The following TTYH1 variants were observed in gnomAD, a reference collection of about 807,000 sequenced individuals.
The protein encoded by TTYH1 is protein tweety homolog 1.
Under a neutral mutation model 61.2 loss-of-function variants are expected in TTYH1, and 33 were observed. The ratio of observed to expected loss-of-function variants is 0.54; its 90% CI spans 0.41 to 0.72. TTYH1 has a LOEUF of 0.72. TTYH1 is among the 30% of genes least tolerant of loss of function. TTYH1 has a pLI of 0.00. For synonymous variants in TTYH1, 308 were observed against 266.4 expected (o/e 1.16, Z -1.52); for missense variants, 538 against 575.8 (o/e 0.93, Z 0.67).
At chr19:54,435,289 G>A (rs1188295983) in intron 10 of TTYH1, among the ~76,000 whole-genome samples, 2 of 152,104 alleles carry the variant, frequency 1.3e-5, no homozygotes, top group Admixed American at 1.3e-4. Context: ...AATGACAAGG[G>A]CGGGTGCAGC....
In TTYH1 at chr19:54,435,807, A is replaced by G. The variant is rs758683774; in HGVS notation, c.1269-21A>G. 3 of 1,613,902 alleles carry G rather than the reference A, an allele frequency of 1.9e-6. No individual in the cohort carries two copies. In the South Asian group the frequency reaches 3.3e-5, roughly 18 times the overall value. On this transcript the variant is annotated intron_variant, in intron 11 of 13. Coordinates refer to ENST00000376530, the MANE Select transcript of TTYH1 (RefSeq NM_020659.4). ...TGGGTCCCCATCCCGCCTCTCTGCC[A>G]TGCCCCGCATCAAACCCCAGTGACG... is the stretch of plus-strand genomic sequence containing the variant.
intron 1 of TTYH1, among the ~76,000 whole-genome samples, chr19:54,417,239 CATGCACACACAT>C (rs377138343): frequency 0.014 from 2,053 of 150,946 alleles, 50 homozygotes; most frequent in African/African-American, 0.047. Context: ...AACACACTCA[CATGCACACACAT>C]ATGCACAGGC....
At position 54,431,632 on chromosome 19, in the gene TTYH1, T is replaced by C. The variant is rs181933148; in HGVS notation, c.1125+441T>C. ...GTCACCTAACTTCTCTGTACCTCAGTTAGTTCCCTCACTTATAAACCTGGG... is the reference window on the plus strand; with the variant it reads ...GTCACCTAACTTCTCTGTACCTCAGCTAGTTCCCTCACTTATAAACCTGGG... On this transcript the variant is annotated intron_variant, in intron 10 of 13. Transcript: ENST00000376530. 414 of 196,868 alleles carry C rather than the reference T, an allele frequency of 2.1e-3. 3 individuals are homozygous for C. The highest frequency in any genetic ancestry group is 9.3e-3 in the African/African-American group (391 of 42,162). The allele number at this position is 196,868 out of a possible 1,614,324, so 12.2% of individuals were successfully genotyped here.
intron 5 of TTYH1, among the ~76,000 whole-genome samples, chr19:54,428,477 C>A (rs534432119): frequency 6.6e-6 from 1 of 152,230 alleles, no homozygotes; most frequent in African/African-American, 2.4e-5. Context: ...CAGCCTGCCT[C>A]AGCCTTCCAA....
intron 10 of TTYH1, 124 bp from the exon 11 acceptor site, chr19:54,435,418 G>A: frequency 1.7e-6 from 2 of 1,212,094 alleles, no homozygotes; most frequent in Non-Finnish European, 2.3e-6. Context: ...GGGAAACTGA[G>A]GCACAGAGTG....
In TTYH1 at chr19:54,429,786, T is replaced by C; in HGVS notation, c.808-96T>C. On this transcript the variant is annotated intron_variant, in intron 6 of 13. Coordinates refer to ENST00000376530, the MANE Select transcript of TTYH1 (RefSeq NM_020659.4). The surrounding 1 kb of genome is among the most constrained non-coding windows in gnomAD (Gnocchi z 5.1). ...AGGGGCTGGGACCTGGACCCCTGGGTGGGGAGGGGAGCTGGGGAGCCAGGC... is the reference window on the plus strand; with the variant it reads ...AGGGGCTGGGACCTGGACCCCTGGGCGGGGAGGGGAGCTGGGGAGCCAGGC... 1 of 1,057,998 alleles carries C rather than the reference T, an allele frequency of 9.5e-7. No individual in the cohort carries two copies. The highest frequency in any genetic ancestry group is 1.4e-6 in the Non-Finnish European group (1 of 695,792). The allele number at this position is 1,057,998 out of a possible 1,614,324, so 65.5% of individuals were successfully genotyped here.
rs774441169 is a variant in TTYH1 at position 54,436,065 on chromosome 19, C to T, written c.1315-26C>T. 9.3e-6 allele frequency: 15 copies of T among 1,611,674 alleles called. No individual in the cohort carries two copies. In the East Asian group the frequency reaches 2.5e-4, roughly 26 times the overall value. On this transcript the variant is annotated intron_variant, in intron 12 of 13. Transcript: ENST00000376530. This position sits in a 1 kb window ranked among gnomAD's most constrained non-coding sequence, Gnocchi z 4.3. ...AATTCCCACTCCATTCCCTCCTCTC[C>T]CCCGCTACCCCGAATCTCCTAGCAG... is the stretch of plus-strand genomic sequence containing the variant.
chr19:54,425,292 C>A (rs2083301956), intron 4 of TTYH1, among the ~76,000 whole-genome samples: 1 of 152,182 alleles, frequency 6.6e-6, no homozygotes, highest in Non-Finnish European at 1.5e-5. Flanking sequence ...TCAGCTCAAG[C>A]CGTAACAGAC....
intron 4 of TTYH1, among the ~76,000 whole-genome samples, chr19:54,424,032 G>A (rs1270202527): frequency 6.6e-6 from 1 of 152,024 alleles, no homozygotes; most frequent in Non-Finnish European, 1.5e-5. Flanking sequence ...GTGGTGGTGG[G>A]CGCCTGTAGT....
At chr19:54,418,340 A>G (rs968629628) in intron 1 of TTYH1, 2 of 152,164 alleles carry the variant, frequency 1.3e-5, no homozygotes, top group Non-Finnish European at 2.9e-5. Context: ...CCGTCTCCAT[A>G]GTGTTCTCAC....
chr19:54,422,331 C>A lies in TTYH1; in HGVS notation c.559C>A (p.Gln187Lys). 1 of 1,569,556 alleles carries A rather than the reference C, an allele frequency of 6.4e-7. No individual in the cohort carries two copies. The part of the protein sequence containing the change: ...RQAEAAAQQL[Q>K]GLAFWQGVPL... Reference sequence around the variant, plus strand: ...GGCGGAGGCTGCGGCCCAGCAGCTGCAGGGGCTGGCCTTCTGGCAGGGAGT... The same window carrying A: ...GGCGGAGGCTGCGGCCCAGCAGCTGAAGGGGCTGGCCTTCTGGCAGGGAGT... The change falls in exon 4 of 14, where the codon CAG becomes AAG. Residue 187 changes from glutamine to lysine, a missense_variant. By Grantham distance (53) the Gln-to-Lys change is moderately conservative (BLOSUM62 1). This residue lies in a region of TTYH1 where 378 missense variants were observed against 401.2 expected (regional missense o/e 0.94). Transcript: ENST00000376530.
chr19:54,417,527 C>T (rs1214575431), intron 1 of TTYH1, among the ~76,000 whole-genome samples: 2 of 151,652 alleles, frequency 1.3e-5, no homozygotes, highest in Non-Finnish European at 2.9e-5. Context: ...CTTACACATA[C>T]ACAATCACAC....
chr19:54,429,075 G>GCCCTGCTCATACCCCACA lies in TTYH1; in HGVS notation c.735-221_735-204dup, dbSNP rs1234977560. ...CCAAGCTGCGACCACCCAGCCCAGG[G>GCCCTGCTCATACCCCACA]CCCTGCTCATACCCCACACCCTGCT... On this transcript the variant is annotated intron_variant, in intron 5 of 13. Transcript: ENST00000376530. The surrounding 1 kb of genome is among the most constrained non-coding windows in gnomAD (Gnocchi z 5.1). 2.0e-5 allele frequency among the ~76,000 whole-genome samples: 3 copies of GCCCTGCTCATACCCCACA among 152,222 alleles called. No homozygotes were observed. In the East Asian group the frequency reaches 5.8e-4, roughly 29 times the overall value.
Position 54,435,545 on chromosome 19 carries a change from T to C in TTYH1, c.1129T>C (p.Tyr377His). 6.3e-7 allele frequency: 1 copy of C among 1,599,176 alleles called. No individual in the cohort carries two copies. Among genetic ancestry groups the C allele is most frequent in the Non-Finnish European group, 8.5e-7 (1 of 1,175,238 alleles). ...CCTGATGACGCCCTCCCCTCAGGAC[T>C]ATGGTGCAGCCCTGCGGGGCCTGTG... ...LLHCRSLHKD[Y>H]GAALRGLCED... Residue 377 changes from tyrosine to histidine, a missense_variant, in exon 11 of 14, where the codon TAT (tyrosine) becomes CAT (histidine). Tyr to His is a moderately conservative substitution (Grantham distance 83). Coordinates refer to ENST00000376530, the MANE Select transcript of TTYH1 (RefSeq NM_020659.4).
intron 1 of TTYH1, chr19:54,418,841 G>C: frequency 2.6e-6 from 1 of 382,410 alleles, no homozygotes; most frequent in Non-Finnish European, 4.6e-6. Context: ...GAGAAGGGGC[G>C]GTTCCTGCTA....
chr19:54,419,135 T>TGCTGGTGGCGGCCTTGGC lies in TTYH1; in HGVS notation c.136_153dup (p.Leu46_Ala51dup). The TGCTGGTGGCGGCCTTGGC allele has an allele frequency of 6.2e-7, 1 of 1,611,660 alleles. No individual in the cohort carries two copies. Among genetic ancestry groups the TGCTGGTGGCGGCCTTGGC allele is most frequent in the East Asian group, 2.2e-5 (1 of 44,854 alleles). ...TGTCACCCCCTTCCCCAGGCCTTGT[T>TGCTGGTGGCGGCCTTGGC]GCTGGTGGCGGCCTTGGCGGGCCTG... On this transcript the variant is annotated inframe_insertion, in exon 2 of 14. Coordinates refer to ENST00000376530, the MANE Select transcript of TTYH1 (RefSeq NM_020659.4). This position sits in a 1 kb window ranked among gnomAD's most constrained non-coding sequence, Gnocchi z 6.1.
chr19:54,416,231 A>G lies in TTYH1; in HGVS notation c.126+553A>G. 2.5e-6 allele frequency: 1 copy of G among 396,356 alleles called. No homozygotes were observed. The highest frequency in any genetic ancestry group is 2.3e-5 in the South Asian group (1 of 43,944). 24.6% of individuals were successfully genotyped at this position (396,356 alleles called of 1,614,324 possible). ...GGCTGGAAAATGAAGGGGCTCTGGG[A>G]GAGGAAGCTTCTTGCCCGTCCCAAG... On this transcript the variant is annotated intron_variant, in intron 1 of 13. Coordinates refer to ENST00000376530, the MANE Select transcript of TTYH1 (RefSeq NM_020659.4). The surrounding 1 kb of genome is among the most constrained non-coding windows in gnomAD (Gnocchi z 7.0).
intron 4 of TTYH1, 114 bp downstream of exon 4, chr19:54,422,524 C>T (rs1199585256): frequency 1.7e-5 from 15 of 870,632 alleles, no homozygotes; most frequent in East Asian, 1.6e-4. Flanking sequence ...GGAGTGTGTG[C>T]GCACTGCTGG....
chr19:54,431,350 C>T (rs560879053), intron 10 of TTYH1, 159 bp downstream of exon 10: 2 of 609,220 alleles, frequency 3.3e-6, no homozygotes, highest in South Asian at 1.9e-5. Context: ...TATTCTCTAC[C>T]TATTTATAAC....
Sources: allele counts gnomAD v4.1 joint callset (sites outside exome capture counted in the v4.1 genomes callset), GRCh38; gene constraint gnomAD v4.1.1; regional missense constraint gnomAD v4.1.1; non-coding constraint Gnocchi (gnomAD v3.1); transcripts MANE v1.5; gene names NCBI Gene and HGNC (gene_info 2026-07-23, HGNC 2026-07-21).